SPMIP3: variants seen among roughly 807,000 people sequenced by gnomAD.
SPMIP3 encodes protein SPMIP3.
the SPMIP3 span, among the ~76,000 whole-genome samples, chr1:244,381,873 G>A: frequency 6.6e-6 from 1 of 152,244 alleles, no homozygotes; most frequent in Non-Finnish European, 1.5e-5. Flanking sequence ...GGAAGTTGCA[G>A]TGAGTTGAGG....
the SPMIP3 span, among the ~76,000 whole-genome samples, chr1:244,355,973 A>G: frequency 4.5e-3 from 690 of 152,310 alleles, 6 homozygotes; most frequent in Non-Finnish European, 8.1e-3. Flanking sequence ...TTTATCTAGA[A>G]ATATGATTTT....
the SPMIP3 span, among the ~76,000 whole-genome samples, chr1:244,360,420 G>A: frequency 5.9e-5 from 9 of 151,952 alleles, no homozygotes; most frequent in African/African-American, 2.2e-4. Context: ...CTGCAGTCCT[G>A]TGTTTATTGC....
the SPMIP3 span, among the ~76,000 whole-genome samples, chr1:244,369,327 C>T: frequency 6.6e-6 from 1 of 152,074 alleles, no homozygotes; most frequent in African/African-American, 2.4e-5. Flanking sequence ...TGTAGAAGAT[C>T]GAAGATACAG....
the SPMIP3 span, among the ~76,000 whole-genome samples, chr1:244,360,018 A>G: frequency 6.6e-6 from 1 of 152,072 alleles, no homozygotes; most frequent in Non-Finnish European, 1.5e-5. Flanking sequence ...CTGAGGCAGG[A>G]GAATCACTGG....
chr1:244,374,637 C>G, the SPMIP3 span, among the ~76,000 whole-genome samples: 1 of 130,982 alleles, frequency 7.6e-6, no homozygotes, highest in African/African-American at 2.9e-5. Flanking sequence ...TGCACTGTTG[C>G]CCAGGCTGGA....
chr1:244,373,055 C>A, the SPMIP3 span, among the ~76,000 whole-genome samples: 1 of 151,922 alleles, frequency 6.6e-6, no homozygotes, highest in Non-Finnish European at 1.5e-5. Flanking sequence ...ACTTCCTAAG[C>A]AGTCTTTCTG....
chr1:244,359,594 G>A, the SPMIP3 span, among the ~76,000 whole-genome samples: 1 of 152,020 alleles, frequency 6.6e-6, no homozygotes, highest in African/African-American at 2.4e-5. Flanking sequence ...GTGGTGGCGG[G>A]CGCCTGTAAT....
At chr1:244,369,471 C>T in the SPMIP3 span, among the ~76,000 whole-genome samples, 3,180 of 152,258 alleles carry the variant, frequency 0.021, 120 homozygotes, top group African/African-American at 0.071. Context: ...GGGTACAACC[C>T]GTGGTTCATT....
chr1:244,374,117 T>A, the SPMIP3 span, among the ~76,000 whole-genome samples: 2 of 151,914 alleles, frequency 1.3e-5, no homozygotes, highest in Admixed American at 1.3e-4. Flanking sequence ...CGTCTCAAAA[T>A]AAATAAATAA....
the SPMIP3 span, among the ~76,000 whole-genome samples, chr1:244,361,619 T>C: frequency 6.6e-6 from 1 of 152,194 alleles, no homozygotes; most frequent in Non-Finnish European, 1.5e-5. Flanking sequence ...GACACCCGCA[T>C]TACCCTGATT....
At chr1:244,386,003 AACACACACACACACAC>A in the SPMIP3 span, among the ~76,000 whole-genome samples, 12 of 145,758 alleles carry the variant, frequency 8.2e-5, no homozygotes, top group Admixed American at 4.9e-4. Flanking sequence ...ATCTCTACAA[AACACACACACACACAC>A]ACACACACAC....
At chr1:244,369,437 T>C in the SPMIP3 span, among the ~76,000 whole-genome samples, 2 of 152,230 alleles carry the variant, frequency 1.3e-5, no homozygotes, top group African/African-American at 2.4e-5. Flanking sequence ...CGTGGGATGA[T>C]ATTGGAGCAG....
the SPMIP3 span, among the ~76,000 whole-genome samples, chr1:244,370,183 A>T: frequency 6.6e-6 from 1 of 151,198 alleles, no homozygotes; most frequent in Non-Finnish European, 1.5e-5. Flanking sequence ...GATGTTAGCC[A>T]CCAAGTACAA....
the SPMIP3 span, among the ~76,000 whole-genome samples, chr1:244,364,387 G>A: frequency 0.013 from 2,027 of 152,194 alleles, 21 homozygotes; most frequent in Non-Finnish European, 0.021. Context: ...TTACAGGCGT[G>A]AGCCACCACA....
At chr1:244,372,198 C>G in the SPMIP3 span, among the ~76,000 whole-genome samples, 1 of 152,242 alleles carries the variant, frequency 6.6e-6, no homozygotes, top group Non-Finnish European at 1.5e-5. Context: ...CCTCCCTCTT[C>G]TGTGTCCTAT....
the SPMIP3 span, among the ~76,000 whole-genome samples, chr1:244,379,225 G>GA: frequency 5.4e-5 from 8 of 148,548 alleles, no homozygotes; most frequent in African/African-American, 2.0e-4. Context: ...ACTGCGCCCG[G>GA]CCTTTTTTTT....
chr1:244,381,503 A>G, the SPMIP3 span, among the ~76,000 whole-genome samples: 2 of 152,334 alleles, frequency 1.3e-5, no homozygotes, highest in South Asian at 4.1e-4. Context: ...AAGCAATGAA[A>G]TACTCACCAC....
At chr1:244,378,585 T>C in the SPMIP3 span, 9 of 1,614,186 alleles carry the variant, frequency 5.6e-6, no homozygotes, top group Non-Finnish European at 7.6e-6. Flanking sequence ...TGCCGAGCCA[T>C]GGTATAAAGA....
the SPMIP3 span, chr1:244,375,575 CA>C: frequency 1.6e-6 from 1 of 621,902 alleles, no homozygotes. Flanking sequence ...CTGATGATAG[CA>C]AAAATAATAA....
Sources: gnomAD v4.1 joint callset for allele counts (sites outside exome capture counted in the v4.1 genomes callset) on GRCh38, gnomAD v4.1.1 for gene constraint, MANE v1.5 for transcripts, NCBI Gene and HGNC (gene_info 2026-07-23, HGNC 2026-07-21) for gene names.